ZBTB8OS: variants seen among roughly 807,000 people sequenced by gnomAD.
ZBTB8OS encodes tRNA splicing ligase complex subunit 1.
ZBTB8OS carries 16 observed loss-of-function variants against 29.3 expected under a neutral mutation model. The ratio of observed to expected loss-of-function variants is 0.55; its 90% CI spans 0.37 to 0.83. The LOEUF (loss-of-function observed/expected upper bound fraction) is 0.83. Ranked by LOEUF, ZBTB8OS falls within the 40% of genes least tolerant of loss-of-function variation. ZBTB8OS has a pLI of 0.00. For missense variants in ZBTB8OS, 160 were observed against 196.9 expected (o/e 0.81, Z 1.12); for synonymous variants, 70 against 64.6 (o/e 1.08, Z -0.40).
chr1:32,647,993 C>T (rs1322120636), intron 1 of ZBTB8OS, among the ~76,000 whole-genome samples: 4 of 151,302 alleles, frequency 2.6e-5, no homozygotes, highest in African/African-American at 9.7e-5. Context: ...AACTGCATTG[C>T]ATAAAAACAC....
chr1:32,631,837 G>A lies in ZBTB8OS; in HGVS notation c.370C>T (p.Arg124Ter), dbSNP rs1386186079. 3.8e-6 allele frequency: 6 copies of A among 1,593,126 alleles called. No homozygotes were observed. The highest frequency in any genetic ancestry group is 2.7e-5 in the African/African-American group (2 of 73,906). Reference sequence around the variant, plus strand: ...ACTTTCAAAACTTACCCAATTGATCGTAATTTGAAATTTCTTTGATCAATG... The same window carrying A: ...ACTTTCAAAACTTACCCAATTGATCATAATTTGAAATTTCTTTGATCAATG... The part of the protein sequence containing the change: ...LSIDQRNFKL[R>*]SIGWGEEFSL... Residue 124 changes from arginine (R) to a stop codon, truncating the protein, a stop_gained, in exon 5 of 7, where the codon CGA (arginine) becomes TGA (stop). Transcript: ENST00000468695. LOFTEE classifies it high-confidence loss of function.
At chr1:32,636,083 T>C (rs577513841) in intron 1 of ZBTB8OS, among the ~76,000 whole-genome samples, 7 of 152,328 alleles carry the variant, frequency 4.6e-5, no homozygotes, top group Non-Finnish European at 1.0e-4. Flanking sequence ...AGACTCGTTA[T>C]CTGGCTCAAC....
intron 1 of ZBTB8OS, among the ~76,000 whole-genome samples, chr1:32,635,040 C>T (rs1037690598): frequency 6.6e-6 from 1 of 151,130 alleles, no homozygotes; most frequent in Non-Finnish European, 1.5e-5. Context: ...GCCTGGGCAA[C>T]AGAGCAAGAC....
chr1:32,629,040 A>G (rs1055340502), intron 5 of ZBTB8OS, among the ~76,000 whole-genome samples: 6 of 152,204 alleles, frequency 3.9e-5, no homozygotes, highest in African/African-American at 1.4e-4. Flanking sequence ...TGGAATCTCA[A>G]TAAACATTGT....
chr1:32,639,025 C>T (rs535188684), intron 1 of ZBTB8OS, among the ~76,000 whole-genome samples: 1 of 151,800 alleles, frequency 6.6e-6, no homozygotes, highest in East Asian at 1.9e-4. Context: ...TGGCCAGGCG[C>T]ATTGGTTTAC....
In ZBTB8OS at chr1:32,621,580, G is replaced by A; in HGVS notation, c.*282C>T. ...AGGCTGGAGGGCTTGCATTGCACTGGAAGGGCATGAGGCACACCTACTGCC... is the reference window on the plus strand; with the variant it reads ...AGGCTGGAGGGCTTGCATTGCACTGAAAGGGCATGAGGCACACCTACTGCC... On this transcript the variant is annotated 3_prime_UTR_variant, in exon 7 of 7. Transcript: ENST00000468695. 2.8e-6 allele frequency: 1 copy of A among 354,492 alleles called. No homozygotes were observed. Among genetic ancestry groups the A allele is most frequent in the Middle Eastern group, 8.2e-4 (1 of 1,220 alleles). The allele number at this position is 354,492 out of a possible 1,614,324, so 22.0% of individuals were successfully genotyped here.
At chr1:32,626,359 TCC>T (rs1645133372) in intron 6 of ZBTB8OS, among the ~76,000 whole-genome samples, 3 of 152,114 alleles carry the variant, frequency 2.0e-5, no homozygotes, top group Admixed American at 2.0e-4. Context: ...GTAAGTACAC[TCC>T]ATGATGTTTG....
intron 6 of ZBTB8OS, among the ~76,000 whole-genome samples, chr1:32,624,128 C>T (rs998801816): frequency 6.6e-6 from 1 of 152,204 alleles, no homozygotes; most frequent in Non-Finnish European, 1.5e-5. Context: ...CCCAGCCATG[C>T]TGAACTATGA....
chr1:32,632,768 G>C (rs1253680309), intron 4 of ZBTB8OS, among the ~76,000 whole-genome samples: 3 of 152,044 alleles, frequency 2.0e-5, no homozygotes, highest in Non-Finnish European at 4.4e-5. Flanking sequence ...AACTACTCTG[G>C]GCACACAGGG....
chr1:32,627,051 G>C (rs1364889851), intron 6 of ZBTB8OS, among the ~76,000 whole-genome samples: 1 of 151,856 alleles, frequency 6.6e-6, no homozygotes, highest in Admixed American at 6.6e-5. Context: ...TGTCATTCTG[G>C]GCCCACAAAT....
intron 1 of ZBTB8OS, among the ~76,000 whole-genome samples, chr1:32,644,564 C>G (rs1646691379): frequency 1.5e-5 from 2 of 137,070 alleles, no homozygotes; most frequent in South Asian, 4.4e-4. Context: ...GAGTCAGGGA[C>G]TCTGTCACCC....
intron 4 of ZBTB8OS, chr1:32,632,417 T>G (rs927497795): frequency 6.6e-6 from 1 of 152,070 alleles, no homozygotes; most frequent in African/African-American, 2.4e-5. Context: ...ATGCAGTTTT[T>G]TTTGTTTGTT....
intron 1 of ZBTB8OS, among the ~76,000 whole-genome samples, chr1:32,644,592 G>A (rs1197481735): frequency 1.3e-5 from 2 of 148,414 alleles, no homozygotes; most frequent in Non-Finnish European, 3.0e-5. Flanking sequence ...GAGTATAGTG[G>A]CATGATGATA....
chr1:32,644,988 G>T (rs1646727457), intron 1 of ZBTB8OS, among the ~76,000 whole-genome samples: 1 of 150,378 alleles, frequency 6.6e-6, no homozygotes, highest in African/African-American at 2.5e-5. Flanking sequence ...AGACCATCCT[G>T]GCCAACATGG....
At position 32,650,254 on chromosome 1, in the gene ZBTB8OS, TG is replaced by T. The variant is rs549101732; in HGVS notation, c.97+178del. ...CAGGTTTCGCGACTATTAAACCAGG[TG>T]GCTTTTTCCTTCAGCATCCCCAGGA... On this transcript the variant is annotated intron_variant, in intron 1 of 6. Transcript: ENST00000468695. The T allele has an allele frequency of 4.5e-4, 330 of 734,418 alleles. No homozygotes were observed. In the African/African-American group the frequency reaches 5.1e-3, roughly 11 times the overall value. 45.5% of individuals were successfully genotyped at this position (734,418 alleles called of 1,614,324 possible).
intron 1 of ZBTB8OS, among the ~76,000 whole-genome samples, chr1:32,643,268 T>C (rs1441702344): frequency 1.3e-5 from 2 of 151,266 alleles, no homozygotes; most frequent in South Asian, 2.1e-4. Flanking sequence ...GACGGGGGTT[T>C]CTCCATGTTT....
At chr1:32,630,577 T>C (rs1000840744) in intron 5 of ZBTB8OS, among the ~76,000 whole-genome samples, 1 of 151,442 alleles carries the variant, frequency 6.6e-6, no homozygotes, top group African/African-American at 2.4e-5. Flanking sequence ...ATCAATCAAA[T>C]TAAATTAAAT....
chr1:32,628,270 T>A (rs1645268140), intron 5 of ZBTB8OS, among the ~76,000 whole-genome samples: 1 of 151,304 alleles, frequency 6.6e-6, no homozygotes, highest in Admixed American at 6.6e-5. Flanking sequence ...GGCAGGAGAA[T>A]CGCTTGAACC....
intron 6 of ZBTB8OS, among the ~76,000 whole-genome samples, chr1:32,623,858 C>G (rs1276399984): frequency 2.6e-5 from 4 of 152,166 alleles, no homozygotes; most frequent in African/African-American, 9.7e-5. Flanking sequence ...TTGGCTGTGT[C>G]CCCACCCAAA....
Sources: allele counts gnomAD v4.1 joint callset (sites outside exome capture counted in the v4.1 genomes callset), GRCh38; gene constraint gnomAD v4.1.1; transcripts MANE v1.5; gene names NCBI Gene and HGNC (gene_info 2026-07-23, HGNC 2026-07-21).